The following SOS1 variants were observed in gnomAD, a reference collection of about 807,000 sequenced individuals.
SOS1 encodes the protein SOS Ras/Rac guanine nucleotide exchange factor 1.
SOS1 carries 25 observed loss-of-function variants against 157.6 expected under a neutral mutation model. The observed-to-expected ratio is 0.16, with a 90% CI of 0.12 to 0.22. SOS1 has a LOEUF of 0.22. Among genes scored for constraint, SOS1 ranks in the 10% least tolerant of loss-of-function variants. SOS1 has a pLI of 1.00. For missense variants in SOS1, 1,237 were observed against 1,599.1 expected (o/e 0.77, Z 3.86); for synonymous variants, 528 against 534.0 (o/e 0.99, Z 0.16).
At chr2:39,002,230 G>T (rs1669126164) in intron 17 of SOS1, among the ~76,000 whole-genome samples, 1 of 35,440 alleles carries the variant, frequency 2.8e-5, no homozygotes, top group African/African-American at 1.5e-4. Flanking sequence ...GGAGGCTGAG[G>T]CAGGAGAACT....
chr2:39,064,742 ATTT>A (rs4015841), intron 2 of SOS1, among the ~76,000 whole-genome samples: 56 of 74,824 alleles, frequency 7.5e-4, no homozygotes, highest in African/African-American at 1.3e-3. Flanking sequence ...TTTAAAATAC[ATTT>A]TTTTTTTTTT....
intron 4 of SOS1, among the ~76,000 whole-genome samples, 200 bp from the exon 5 acceptor site, chr2:39,055,023 C>T (rs550278866): frequency 1.2e-4 from 19 of 152,280 alleles, no homozygotes; most frequent in Middle Eastern, 3.4e-3. Context: ...ACTTACTACA[C>T]TCCTCCAAGT....
At chr2:39,096,945 A>G (rs1439021509) in intron 1 of SOS1, among the ~76,000 whole-genome samples, 3 of 152,198 alleles carry the variant, frequency 2.0e-5, no homozygotes. Flanking sequence ...AATATAAAGA[A>G]TTGCCAGAAA....
At chr2:39,116,775 C>G (rs894368045) in intron 1 of SOS1, among the ~76,000 whole-genome samples, 17 of 152,160 alleles carry the variant, frequency 1.1e-4, no homozygotes, top group African/African-American at 3.6e-4. Flanking sequence ...AGCTTAAGCC[C>G]AGGAGGTGGA....
chr2:39,001,859 A>C (rs1234258320), intron 17 of SOS1, among the ~76,000 whole-genome samples: 1 of 152,224 alleles, frequency 6.6e-6, no homozygotes, highest in Non-Finnish European at 1.5e-5. Flanking sequence ...ATGGGCAAGA[A>C]GAAAGGGGTA....
intron 17 of SOS1, among the ~76,000 whole-genome samples, chr2:38,999,669 G>A (rs1415650558): frequency 6.6e-6 from 1 of 152,112 alleles, no homozygotes. Flanking sequence ...TACACAAGTT[G>A]CATGATCCAC....
intron 1 of SOS1, among the ~76,000 whole-genome samples, chr2:39,068,750 G>C (rs992999512): frequency 1.3e-5 from 2 of 151,086 alleles, no homozygotes; most frequent in Non-Finnish European, 2.9e-5. Flanking sequence ...AAGAAGCCTT[G>C]ACCATTTCTT....
At chr2:39,123,391 A>G (rs1372729170), upstream of SOS1, among the ~76,000 whole-genome samples, 3 of 144,718 alleles carry the variant, frequency 2.1e-5, no homozygotes, top group Non-Finnish European at 4.5e-5. Context: ...ACAGAGTCTC[A>G]TTTTGTTGCC....
intron 15 of SOS1, among the ~76,000 whole-genome samples, chr2:39,010,282 C>T (rs1408791022): frequency 6.7e-6 from 1 of 150,308 alleles, no homozygotes; most frequent in Non-Finnish European, 1.5e-5. Context: ...CACCACTGCA[C>T]TCCAGCCTGG....
At chr2:39,066,064 G>A (rs533603979) in intron 2 of SOS1, among the ~76,000 whole-genome samples, 1 of 152,194 alleles carries the variant, frequency 6.6e-6, no homozygotes, top group South Asian at 2.1e-4. Flanking sequence ...TTTCTCATTG[G>A]ATATGCCTGT....
intron 1 of SOS1, among the ~76,000 whole-genome samples, chr2:39,103,201 G>A (rs1673038870): frequency 6.6e-6 from 1 of 152,084 alleles, no homozygotes; most frequent in Non-Finnish European, 1.5e-5. Context: ...TTATTGAGTA[G>A]GAAGACTTAA....
Position 39,056,876 on chromosome 2 carries a change from T to G in SOS1, c.346-10A>C, listed in dbSNP as rs1558492504. On this transcript the variant is annotated splice_polypyrimidine_tract_variant and intron_variant, in intron 3 of 22. Transcript: ENST00000402219. ...TATAACCTAGGACCTCCTGCAAAAT[T>G]AAAAGAAAAGCATGTTTAAACATCA... The G allele has an allele frequency of 6.3e-7, 1 of 1,591,090 alleles. No individual in the cohort carries two copies. Among genetic ancestry groups the G allele is most frequent in the East Asian group, 2.2e-5 (1 of 44,644 alleles).
At chr2:39,041,973 G>C (rs975487986) in intron 6 of SOS1, among the ~76,000 whole-genome samples, 5 of 151,990 alleles carry the variant, frequency 3.3e-5, no homozygotes, top group African/African-American at 1.2e-4. Flanking sequence ...TTATTAATGA[G>C]TTCACTCTTT....
At chr2:39,042,512 T>G (rs1470870920) in intron 6 of SOS1, among the ~76,000 whole-genome samples, 1 of 152,036 alleles carries the variant, frequency 6.6e-6, no homozygotes, top group East Asian at 1.9e-4. Flanking sequence ...CAAGTGATTC[T>G]CCTGCCTCAA....
chr2:39,060,933 TG>T (rs1311253233), intron 2 of SOS1, among the ~76,000 whole-genome samples: 1 of 145,358 alleles, frequency 6.9e-6, no homozygotes, highest in East Asian at 1.9e-4. Context: ...TACATGTCTT[TG>T]AAAAAAAAAA....
intron 1 of SOS1, among the ~76,000 whole-genome samples, chr2:39,071,780 T>C (rs116363626): frequency 2.8e-4 from 43 of 152,316 alleles, no homozygotes; most frequent in Non-Finnish European, 5.1e-4. Flanking sequence ...CAGCTGCTCT[T>C]CAATTTACAC....
intron 17 of SOS1, among the ~76,000 whole-genome samples, chr2:39,004,242 T>C (rs891898088): frequency 9.2e-5 from 14 of 151,786 alleles, no homozygotes; most frequent in South Asian, 2.1e-4. Flanking sequence ...GGTGAAACCC[T>C]GTCTCTACTA....
At chr2:39,031,005 A>G (rs963961727) in intron 8 of SOS1, among the ~76,000 whole-genome samples, 1 of 152,232 alleles carries the variant, frequency 6.6e-6, no homozygotes, top group Admixed American at 6.5e-5. Context: ...ACCAGAAGCT[A>G]GGCAGAGGCA....
intron 15 of SOS1, 119 bp from the exon 16 acceptor site, chr2:39,007,312 T>C: frequency 1.4e-6 from 1 of 699,782 alleles, no homozygotes. Context: ...GTATAACTAC[T>C]ATAGAGAAGA....
Sources: gnomAD v4.1 joint callset for allele counts (sites outside exome capture counted in the v4.1 genomes callset) on GRCh38, gnomAD v4.1.1 for gene constraint, MANE v1.5 for transcripts, NCBI Gene and HGNC (gene_info 2026-07-23, HGNC 2026-07-21) for gene names.